MS4A1: variants seen among roughly 807,000 people sequenced by gnomAD.
MS4A1 encodes membrane spanning 4-domains A1.
A neutral mutation model predicts 26.5 loss-of-function variants in MS4A1; 16 were observed. That is an observed-to-expected ratio of 0.60 (90% confidence interval 0.41 to 0.92). MS4A1 has a LOEUF of 0.92. Among genes scored for constraint, MS4A1 ranks in the 40% least tolerant of loss-of-function variants. The pLI, the probability that MS4A1 is intolerant of heterozygous loss-of-function variation, is 0.00. For synonymous variants in MS4A1, 128 were observed against 117.6 expected (o/e 1.09, Z -0.57); for missense variants, 350 against 353.0 (o/e 0.99, Z 0.07).
At chr11:60,463,919 C>A in intron 4 of MS4A1, 2 of 373,520 alleles carry the variant, frequency 5.4e-6, no homozygotes, top group South Asian at 2.2e-5. Context: ...CTGTGAACCC[C>A]AAAGGGCAGT....
chr11:60,465,697 A>C, intron 5 of MS4A1: 1 of 544,340 alleles, frequency 1.8e-6, no homozygotes, highest in Non-Finnish European at 3.3e-6. Context: ...TGCTTTATAA[A>C]ACAGATGGAT....
At chr11:60,465,408 G>C (rs932813584) in intron 5 of MS4A1, among the ~76,000 whole-genome samples, 13 of 152,128 alleles carry the variant, frequency 8.5e-5, no homozygotes, top group African/African-American at 2.9e-4. Context: ...TGTTGCTTCT[G>C]CTTTTTTTAT....
Position 60,463,019 on chromosome 11 carries a change from T to C in MS4A1, c.177T>C (p.Asn59=). 6.2e-7 allele frequency: 1 copy of C among 1,614,030 alleles called. No homozygotes were observed. The highest frequency in any genetic ancestry group is 1.1e-5 in the South Asian group (1 of 91,078). Residue 59 remains asparagine, a synonymous_variant, in exon 4 of 8, where the codon AAT becomes AAC. Transcript: ENST00000345732. The stretch of plus-strand genomic sequence containing the variant: ...CTCCCCAGGCTGTCCAGATTATGAA[T>C]GGGCTCTTCCACATTGCCCTGGGGG... The part of the protein sequence containing the change: ...SKTLGAVQIM[N]GLFHIALGGL...
intron 4 of MS4A1, chr11:60,463,860 C>A: frequency 2.3e-6 from 1 of 442,382 alleles, no homozygotes. Flanking sequence ...TCAAGTATTT[C>A]CTTCTGCATC....
chr11:60,456,096 A>G (rs1423583578), intron 1 of MS4A1, among the ~76,000 whole-genome samples, 151 bp downstream of exon 1: 1 of 152,178 alleles, frequency 6.6e-6, no homozygotes, highest in Non-Finnish European at 1.5e-5. Flanking sequence ...AGGGGTGACG[A>G]TATCAAGGCT....
rs779655185 is a variant in MS4A1, at chr11:60,466,141, T to C, written c.557T>C (p.Ile186Thr). ...NSPSTQYCYS[I>T]QSLFLGILSV... ...CCATCTACCCAATACTGTTACAGCA[T>C]ACAATCTCTGTTCTTGGTAAGTGTT... The change falls in exon 6 of 8, where the codon ATA (isoleucine) becomes ACA (threonine). Residue 186 changes from isoleucine (I) to threonine (T), a missense_variant. Physicochemically the swap from Ile to Thr is moderately conservative, Grantham distance 89. Transcript: ENST00000345732. 16 of 1,609,758 alleles carry C rather than the reference T, an allele frequency of 9.9e-6. No individual in the cohort carries two copies. The Admixed American group carries it at 2.7e-4, about 27-fold the overall frequency.
intron 5 of MS4A1, chr11:60,465,653 A>C: frequency 2.3e-6 from 1 of 435,220 alleles, no homozygotes; most frequent in Non-Finnish European, 4.1e-6. Flanking sequence ...GCAAGGATAC[A>C]AGATATAGAA....
At chr11:60,463,395 G>C (rs982311284) in intron 4 of MS4A1, among the ~76,000 whole-genome samples, 3 of 152,172 alleles carry the variant, frequency 2.0e-5, no homozygotes, top group Non-Finnish European at 4.4e-5. Context: ...GTCAGTTCTG[G>C]TGGGGAGGGT....
Position 60,466,170 on chromosome 11 carries a change from G to C in MS4A1, c.573+13G>C. On this transcript the variant is annotated intron_variant, in intron 6 of 7. Transcript: ENST00000345732. ...ATCTCTGTTCTTGGTAAGTGTTCTT[G>C]GTAAGTGTGAGATTGGATTTCTCTC... 1 of 1,581,554 alleles carries C rather than the reference G, an allele frequency of 6.3e-7. No individual in the cohort carries two copies.
Position 60,470,660 on chromosome 11 carries a change from T to C in MS4A1, c.*2192T>C, listed in dbSNP as rs965959495. 3.3e-5 allele frequency: 5 copies of C among 151,980 alleles called. No individual in the cohort carries two copies. Among genetic ancestry groups the C allele is most frequent in the African/African-American group, 1.2e-4 (5 of 41,430 alleles). The allele number at this position is 151,980 out of a possible 1,614,324, so 9.4% of individuals were successfully genotyped here. A position where few individuals can be genotyped will look rare whatever the true frequency, so the allele number is the denominator to read the frequency against. ...ATGCTTTGCCAAGAAGTAGAAGATA[T>C]ATTCTCTAGCCTTAGTTTTTCCTCC... is the stretch of plus-strand genomic sequence containing the variant. On this transcript the variant is annotated 3_prime_UTR_variant, in exon 8 of 8. Transcript: ENST00000345732.
At chr11:60,458,898 A>C (rs2086225722) in intron 1 of MS4A1, among the ~76,000 whole-genome samples, 1 of 152,184 alleles carries the variant, frequency 6.6e-6, no homozygotes, top group African/African-American at 2.4e-5. Flanking sequence ...TTTATAAACT[A>C]CTATTTTATA....
At chr11:60,458,783 A>G (rs1232901826) in intron 1 of MS4A1, among the ~76,000 whole-genome samples, 1 of 152,210 alleles carries the variant, frequency 6.6e-6, no homozygotes, top group East Asian at 1.9e-4. Context: ...ATCGATTAAT[A>G]TATTTACCTC....
At chr11:60,463,377 T>C (rs1317130910) in intron 4 of MS4A1, among the ~76,000 whole-genome samples, 2 of 152,124 alleles carry the variant, frequency 1.3e-5, no homozygotes, top group Non-Finnish European at 2.9e-5. Flanking sequence ...AAGCAAGAAC[T>C]CTCCAAAGTC....
intron 3 of MS4A1, 72 bp downstream of exon 3, chr11:60,462,605 C>T: frequency 1.3e-6 from 2 of 1,577,264 alleles, no homozygotes; most frequent in Non-Finnish European, 1.7e-6. Context: ...GTATAGGCCA[C>T]ATACAGAATT....
intron 5 of MS4A1, chr11:60,465,693 A>G: frequency 1.9e-6 from 1 of 536,240 alleles, no homozygotes; most frequent in Non-Finnish European, 3.3e-6. Context: ...TTTTTGCTTT[A>G]TAAAACAGAT....
At chr11:60,457,768 G>A (rs373984759) in intron 1 of MS4A1, among the ~76,000 whole-genome samples, 3 of 152,142 alleles carry the variant, frequency 2.0e-5, no homozygotes, top group Non-Finnish European at 2.9e-5. Context: ...ACTGACTGGC[G>A]GAAACTAGTT....
chr11:60,470,711 G>C lies in MS4A1; in HGVS notation c.*2243G>C, dbSNP rs1276063783. 3 of 151,992 alleles carry C rather than the reference G, an allele frequency of 2.0e-5. No individual in the cohort carries two copies. Among genetic ancestry groups the C allele is most frequent in the Admixed American group, 2.0e-4 (3 of 15,258 alleles). The allele number at this position is 151,992 out of a possible 1,614,324, so 9.4% of individuals were successfully genotyped here. A position where few individuals can be genotyped will look rare whatever the true frequency, so the allele number is the denominator to read the frequency against. The stretch of plus-strand genomic sequence containing the variant: ...CAATTTGCATTTTTGTAAAAATAAT[G>C]TTGTATCCACAAAGGAAATAAACTT... On this transcript the variant is annotated 3_prime_UTR_variant, in exon 8 of 8. Transcript: ENST00000345732.
At chr11:60,463,665 T>C (rs916820840) in intron 4 of MS4A1, 5 of 383,272 alleles carry the variant, frequency 1.3e-5, no homozygotes, top group African/African-American at 8.3e-5. Flanking sequence ...TTCCCCGTGA[T>C]ACTTTTCATA....
At chr11:60,458,195 C>G (rs908294345) in intron 1 of MS4A1, 9 of 152,062 alleles carry the variant, frequency 5.9e-5, no homozygotes, top group Admixed American at 1.3e-4. Flanking sequence ...CTGAAAAGCA[C>G]AGAGGGAAGG....
Sources: gnomAD v4.1 joint callset for allele counts (sites outside exome capture counted in the v4.1 genomes callset) on GRCh38, gnomAD v4.1.1 for gene constraint, MANE v1.5 for transcripts, NCBI Gene and HGNC (gene_info 2026-07-23, HGNC 2026-07-21) for gene names.